Variants in SEMA3C observed in about 807,000 individuals in gnomAD.
SEMA3C encodes semaphorin-3C.
Under a neutral mutation model 89.4 loss-of-function variants are expected in SEMA3C, and 47 were observed. The observed-to-expected ratio is 0.53, with a 90% CI of 0.42 to 0.67. The LOEUF is 0.67. Among genes scored for constraint, SEMA3C ranks in the 30% least tolerant of loss-of-function variants. SEMA3C has a pLI of 0.00. For missense variants in SEMA3C, 839 were observed against 929.1 expected (o/e 0.90, Z 1.26); for synonymous variants, 310 against 320.2 (o/e 0.97, Z 0.34).
intron 3 of SEMA3C, among the ~76,000 whole-genome samples, chr7:80,828,205 AG>A (rs1301667237): frequency 6.6e-6 from 1 of 152,194 alleles, no homozygotes; most frequent in East Asian, 1.9e-4. Context: ...TACTGGATCA[AG>A]TAACAGCGTA....
intron 2 of SEMA3C, among the ~76,000 whole-genome samples, chr7:80,853,247 C>T (rs1415410133): frequency 2.6e-5 from 4 of 152,082 alleles, no homozygotes; most frequent in Non-Finnish European, 4.4e-5. Flanking sequence ...ACCGTAAGAT[C>T]CAGCAATCCC....
At chr7:80,783,040 C>T (rs902851819) in intron 12 of SEMA3C, among the ~76,000 whole-genome samples, 1 of 151,942 alleles carries the variant, frequency 6.6e-6, no homozygotes, top group Non-Finnish European at 1.5e-5. Context: ...ATATATGACA[C>T]ATTATATGTC....
chr7:80,811,222 C>T (rs374965393), intron 5 of SEMA3C, among the ~76,000 whole-genome samples: 1 of 151,958 alleles, frequency 6.6e-6, no homozygotes, highest in African/African-American at 2.4e-5. Context: ...CTTTATTTAA[C>T]AAAAATTCAC....
At position 80,765,157 on chromosome 7, in the gene SEMA3C, T is replaced by G; in HGVS notation, c.1441A>C (p.Lys481Gln). The G allele has an allele frequency of 6.2e-7, 1 of 1,611,666 alleles. No homozygotes were observed. The highest frequency in any genetic ancestry group is 8.5e-7 in the Non-Finnish European group (1 of 1,178,306). Residue 481 changes from lysine (K) to glutamine (Q), a missense_variant and splice_region_variant, in exon 13 of 18, where the codon AAG (lysine) becomes CAG (glutamine). By Grantham distance (53) the Lys-to-Gln change is moderately conservative. Coordinates refer to ENST00000265361, the MANE Select transcript of SEMA3C (RefSeq NM_006379.5). ...ATTAATAGAAGAGATGTTCAAACCT[T>G]AAAGACTTCCAGCTCCTCCAGAATG... ...ELILEELEVF[K>Q]NHAPITTMKI...
rs35936052 is a variant in SEMA3C, at chr7:80,851,504, T to TAAAAAAAAAAA, written c.104-22770_104-22760dup. On this transcript the variant is annotated intron_variant, in intron 2 of 17. Transcript: ENST00000265361. ...GGTGACAGAGCAAGACTCTTGTCTT[T>TAAAAAAAAAAA]AAAAAAAAAAAAAAAAAAAAAAAAA... is the stretch of plus-strand genomic sequence containing the variant. Among the ~76,000 whole-genome samples, 94 of 69,798 alleles carry TAAAAAAAAAAA rather than the reference T, an allele frequency of 1.3e-3. 2 individuals are homozygous for TAAAAAAAAAAA. The highest frequency in any genetic ancestry group is 4.8e-3 in the African/African-American group (92 of 19,104). The allele number at this position is 69,798 out of a possible 152,430, so 45.8% of individuals were successfully genotyped here.
At chr7:80,918,672 G>A (rs567139920) in intron 1 of SEMA3C, among the ~76,000 whole-genome samples, 156 bp downstream of exon 1, 9 of 152,206 alleles carry the variant, frequency 5.9e-5, no homozygotes, top group Non-Finnish European at 1.2e-4. Context: ...ACTCGAGCAG[G>A]GCTCTCAGCA....
intron 2 of SEMA3C, among the ~76,000 whole-genome samples, chr7:80,835,309 C>T (rs1190881400): frequency 6.6e-6 from 1 of 152,158 alleles, no homozygotes; most frequent in Non-Finnish European, 1.5e-5. Context: ...ATTACTATTT[C>T]ACTGCTTACC....
intron 2 of SEMA3C, among the ~76,000 whole-genome samples, chr7:80,849,474 A>G (rs1381909908): frequency 2.0e-5 from 3 of 152,300 alleles, no homozygotes; most frequent in African/African-American, 7.2e-5. Flanking sequence ...ATGCATACAA[A>G]TGTATATGCA....
At chr7:80,843,153 G>A (rs1450347260) in intron 2 of SEMA3C, among the ~76,000 whole-genome samples, 7 of 152,106 alleles carry the variant, frequency 4.6e-5, no homozygotes, top group Non-Finnish European at 1.0e-4. Context: ...TAGGATGACT[G>A]TAGTTAACAA....
intron 8 of SEMA3C, among the ~76,000 whole-genome samples, chr7:80,803,175 G>A (rs147243319): frequency 1.3e-5 from 2 of 152,214 alleles, no homozygotes; most frequent in African/African-American, 4.8e-5. Flanking sequence ...TTGTGGTCAG[G>A]AGAGTGATTA....
intron 12 of SEMA3C, among the ~76,000 whole-genome samples, 195 bp downstream of exon 12, chr7:80,789,111 T>G (rs1298723732): frequency 2.6e-5 from 4 of 152,036 alleles, no homozygotes; most frequent in Admixed American, 1.3e-4. Flanking sequence ...TCACAAGAAC[T>G]CTATAATTTA....
intron 15 of SEMA3C, among the ~76,000 whole-genome samples, chr7:80,754,969 T>TTTTTTTGTTTTTTGTTTTTTTG (rs1788032422): frequency 8.6e-6 from 1 of 116,028 alleles, no homozygotes; most frequent in African/African-American, 2.7e-5. Context: ...TTTTTTTTTT[T>TTTTTTTGTTTTTTGTTTTTTTG]TTGTATTTTT....
At chr7:80,787,948 T>C (rs575273320) in intron 12 of SEMA3C, among the ~76,000 whole-genome samples, 21 of 152,196 alleles carry the variant, frequency 1.4e-4, no homozygotes, top group African/African-American at 4.8e-4. Context: ...CCAAAAAGGA[T>C]AACAAATGTA....
intron 16 of SEMA3C, among the ~76,000 whole-genome samples, chr7:80,750,051 A>G (rs981537827): frequency 6.6e-6 from 1 of 152,120 alleles, no homozygotes; most frequent in Non-Finnish European, 1.5e-5. Flanking sequence ...TGCTCTTTGC[A>G]GTTAGAATAG....
At position 80,918,699 on chromosome 7, in the gene SEMA3C, GACAA is replaced by G. The variant is rs144374855; in HGVS notation, c.-39+125_-39+128del. 183 of 527,634 alleles carry G rather than the reference GACAA, an allele frequency of 3.5e-4. 2 individuals carry two copies. The East Asian group carries it at 0.025, about 72-fold the overall frequency. The allele number at this position is 527,634 out of a possible 1,614,324, so 32.7% of individuals were successfully genotyped here. ...CTCTCAGCAAGGGGAAAGCTTCCCT[GACAA>G]ACCGCGTGTGTTCTTAAGAAAATGT... On this transcript the variant is annotated intron_variant, in intron 1 of 17. Transcript: ENST00000265361.
In SEMA3C at chr7:80,784,403, A is replaced by C. The variant is rs143368155; in HGVS notation, c.1354+4903T>G. Among the ~76,000 whole-genome samples, 1,052 of 152,168 alleles carry C rather than the reference A, an allele frequency of 6.9e-3. 12 individuals are homozygous for C. Among genetic ancestry groups the C allele is most frequent in the African/African-American group, 0.024 (984 of 41,528 alleles). ...TTTTTTATAGACAGTAGTATCAGGAATGGGTGGGAAAATAAATAAATGTAG... is the reference window on the plus strand; with the variant it reads ...TTTTTTATAGACAGTAGTATCAGGACTGGGTGGGAAAATAAATAAATGTAG... On this transcript the variant is annotated intron_variant, in intron 12 of 17. Coordinates refer to ENST00000265361, the MANE Select transcript of SEMA3C (RefSeq NM_006379.5).
At chr7:80,907,324 C>A (rs1293073711) in intron 2 of SEMA3C, among the ~76,000 whole-genome samples, 1 of 152,018 alleles carries the variant, frequency 6.6e-6, no homozygotes, top group Non-Finnish European at 1.5e-5. Context: ...TTTCTGAAGC[C>A]ATGCCAAGCC....
chr7:80,784,191 G>C (rs560457239), intron 12 of SEMA3C, among the ~76,000 whole-genome samples: 1 of 151,952 alleles, frequency 6.6e-6, no homozygotes, highest in African/African-American at 2.4e-5. Context: ...CTGGATGTAA[G>C]CAGTAGGTGG....
chr7:80,900,136 C>T (rs1043009417), intron 2 of SEMA3C, among the ~76,000 whole-genome samples: 5 of 150,980 alleles, frequency 3.3e-5, no homozygotes, highest in Admixed American at 1.3e-4. Flanking sequence ...TTCTTTGAGA[C>T]GGAGTCTCGC....
Sources: gnomAD v4.1 joint callset for allele counts (sites outside exome capture counted in the v4.1 genomes callset) on GRCh38, gnomAD v4.1.1 for gene constraint, MANE v1.5 for transcripts, NCBI Gene and HGNC (gene_info 2026-07-23, HGNC 2026-07-21) for gene names.